GRID2: variants seen among roughly 807,000 people sequenced by gnomAD.
GRID2 encodes the protein glutamate receptor ionotropic, delta-2.
GRID2 carries 33 observed loss-of-function variants against 114.8 expected under a neutral mutation model. The observed-to-expected ratio is 0.29, with a 90% CI of 0.22 to 0.38. The LOEUF is 0.38. Among genes scored for constraint, GRID2 ranks in the 10% least tolerant of loss-of-function variants. The probability of loss-of-function intolerance (pLI) is 1.00; values close to 1 mark genes in which losing one functional copy is unlikely to be tolerated. For synonymous variants in GRID2, 505 were observed against 449.9 expected (o/e 1.12, Z -1.55); for missense variants, 1,184 against 1,257.7 (o/e 0.94, Z 0.89).
intron 14 of GRID2, among the ~76,000 whole-genome samples, chr4:93,714,479 T>C (rs1056766285): frequency 6.6e-6 from 1 of 152,196 alleles, no homozygotes; most frequent in African/African-American, 2.4e-5. Context: ...CTGGGTCAAA[T>C]GGTATTTCTG....
At chr4:93,285,168 T>C (rs1753019875) in intron 8 of GRID2, among the ~76,000 whole-genome samples, 3 of 151,830 alleles carry the variant, frequency 2.0e-5, no homozygotes, top group Middle Eastern at 6.8e-3. Flanking sequence ...CATTTTGTAA[T>C]AAAAAATATT....
chr4:93,804,243 C>G (rs1253897210), intron 1 of GRID2, among the ~76,000 whole-genome samples: 1 of 152,210 alleles, frequency 6.6e-6, no homozygotes, highest in Non-Finnish European at 1.5e-5. Context: ...GGTAAGAACT[C>G]TAATAGTAGT....
At chr4:92,376,917 G>C (rs1729381328) in intron 1 of GRID2, among the ~76,000 whole-genome samples, 1 of 152,108 alleles carries the variant, frequency 6.6e-6, no homozygotes, top group Non-Finnish European at 1.5e-5. Context: ...CCTGGGTCTG[G>C]TCCACGAAAC....
intron 8 of GRID2, among the ~76,000 whole-genome samples, chr4:93,392,573 A>G (rs1764959579): frequency 6.6e-6 from 1 of 152,124 alleles, no homozygotes; most frequent in Non-Finnish European, 1.5e-5. Flanking sequence ...GGATATGAAC[A>G]GAAATTAAAG....
At chr4:92,505,485 C>A (rs921027002) in intron 1 of GRID2, among the ~76,000 whole-genome samples, 7 of 151,946 alleles carry the variant, frequency 4.6e-5, no homozygotes, top group African/African-American at 1.7e-4. Context: ...TAAGCATGCA[C>A]AGCATAGTGA....
chr4:92,815,333 A>G (rs917731758), intron 2 of GRID2, among the ~76,000 whole-genome samples: 1 of 152,124 alleles, frequency 6.6e-6, no homozygotes, highest in African/African-American at 2.4e-5. Flanking sequence ...TATAAAGTCA[A>G]TATTTGATTT....
chr4:92,625,287 AATAGGATTGTGC>A (rs1199570542), intron 2 of GRID2, among the ~76,000 whole-genome samples: 1 of 151,820 alleles, frequency 6.6e-6, no homozygotes, highest in Non-Finnish European at 1.5e-5. Context: ...ATAATTGTCT[AATAGGATTGTGC>A]TATCACAAAA....
chr4:93,297,259 A>G (rs1049410852), intron 8 of GRID2, among the ~76,000 whole-genome samples: 4 of 152,250 alleles, frequency 2.6e-5, no homozygotes, highest in Non-Finnish European at 4.4e-5. Flanking sequence ...CTCAATAAAT[A>G]TTGATGAATG....
chr4:93,703,435 G>A (rs922259718), intron 14 of GRID2, among the ~76,000 whole-genome samples: 1 of 151,952 alleles, frequency 6.6e-6, no homozygotes, highest in Non-Finnish European at 1.5e-5. Flanking sequence ...TATTTTTAAT[G>A]TATAATAAGT....
At chr4:93,333,025 T>C (rs548333583) in intron 8 of GRID2, among the ~76,000 whole-genome samples, 46 of 152,238 alleles carry the variant, frequency 3.0e-4, no homozygotes, top group African/African-American at 1.1e-3. Context: ...TCATCATGTA[T>C]TTGATGATAA....
intron 1 of GRID2, among the ~76,000 whole-genome samples, chr4:93,789,691 G>A (rs546153279): frequency 1.3e-5 from 2 of 152,176 alleles, no homozygotes; most frequent in East Asian, 3.9e-4. Context: ...TTTCAATTTT[G>A]AAAGAAAATT....
At chr4:93,809,419 A>G (rs1361838387) in exon 2 of GRID2, 1 of 152,222 alleles carries the variant, frequency 6.6e-6, no homozygotes, top group Non-Finnish European at 1.5e-5. Context: ...CTTAGAATAC[A>G]CATGCTTATC....
intron 8 of GRID2, among the ~76,000 whole-genome samples, chr4:93,359,186 A>G (rs1412444992): frequency 6.6e-6 from 1 of 152,106 alleles, no homozygotes; most frequent in Non-Finnish European, 1.5e-5. Context: ...AGGCTAGATC[A>G]GGCACACATC....
intron 1 of GRID2, among the ~76,000 whole-genome samples, chr4:92,567,753 T>A (rs1271775870): frequency 6.6e-6 from 1 of 152,076 alleles, no homozygotes; most frequent in Admixed American, 6.6e-5. Flanking sequence ...CTATTAATTT[T>A]ATGATTGTTG....
At chr4:93,585,692 G>T in intron 13 of GRID2, among the ~76,000 whole-genome samples, 1 of 151,878 alleles carries the variant, frequency 6.6e-6, no homozygotes, top group East Asian at 1.9e-4. Context: ...GTTGCTAATA[G>T]GGGCACCTTT....
intron 14 of GRID2, among the ~76,000 whole-genome samples, chr4:93,627,746 T>C (rs1742852492): frequency 6.6e-6 from 1 of 152,204 alleles, no homozygotes; most frequent in Non-Finnish European, 1.5e-5. Flanking sequence ...CTGCAGTGCC[T>C]CCTGTGTTTC....
chr4:92,663,097 C>A (rs1579794856), intron 2 of GRID2, among the ~76,000 whole-genome samples: 1 of 150,844 alleles, frequency 6.6e-6, no homozygotes, highest in African/African-American at 2.4e-5. Context: ...TGTCTTCAGG[C>A]CACTACACAT....
At chr4:92,353,651 CAAAT>C (rs1321782183) in intron 1 of GRID2, among the ~76,000 whole-genome samples, 1 of 151,976 alleles carries the variant, frequency 6.6e-6, no homozygotes, top group African/African-American at 2.4e-5. Flanking sequence ...AAATCTAAAA[CAAAT>C]AAACACACAA....
rs189276729 is a variant in GRID2, at chr4:92,410,276, T to C, written c.88+105532T>C. On this transcript the variant is annotated intron_variant, in intron 1 of 15. Coordinates refer to ENST00000282020, the MANE Select transcript of GRID2 (RefSeq NM_001510.4). Reference sequence around the variant, plus strand: ...GGCTTCTTCCCATGACAGAGATGTTTCGTGTTACACTACATTTGTTGACTG... The same window carrying C: ...GGCTTCTTCCCATGACAGAGATGTTCCGTGTTACACTACATTTGTTGACTG... Among the ~76,000 whole-genome samples the C allele has an allele frequency of 3.0e-3, 453 of 152,320 alleles. 4 individuals carry two copies. Among genetic ancestry groups the C allele is most frequent in the African/African-American group, 0.01 (416 of 41,584 alleles).
Sources: gnomAD v4.1 joint callset for allele counts (sites outside exome capture counted in the v4.1 genomes callset) on GRCh38, gnomAD v4.1.1 for gene constraint, MANE v1.5 for transcripts, NCBI Gene and HGNC (gene_info 2026-07-23, HGNC 2026-07-21) for gene names.